The following CDC45 variants were observed in gnomAD, a reference collection of about 807,000 sequenced individuals.
CDC45 encodes cell division cycle 45, also known as cell division control protein 45 homolog.
A neutral mutation model predicts 77.8 loss-of-function variants in CDC45; 54 were observed. The ratio of observed to expected loss-of-function variants is 0.69; its 90% CI spans 0.56 to 0.87. CDC45 has a LOEUF of 0.87. Ranked by LOEUF, CDC45 falls within the 40% of genes least tolerant of loss-of-function variation. CDC45 has a pLI of 0.00. For missense variants in CDC45, 649 were observed against 721.6 expected, an observed-to-expected ratio of 0.90 and a Z score of 1.15; for synonymous variants, 260 against 272.1, an observed-to-expected ratio of 0.96 and a Z score of 0.44.
chr22:19,512,921 T>C (rs1933592598), intron 13 of CDC45, among the ~76,000 whole-genome samples: 1 of 152,190 alleles, frequency 6.6e-6, no homozygotes, highest in African/African-American at 2.4e-5. Flanking sequence ...CTCAGGCTGC[T>C]TCCACTCATG....
At chr22:19,486,610 A>T (rs1207533019) in intron 5 of CDC45, among the ~76,000 whole-genome samples, 1 of 152,244 alleles carries the variant, frequency 6.6e-6, no homozygotes, top group Admixed American at 6.5e-5. Flanking sequence ...AACATTAAGC[A>T]TTCTTGAGAA....
At position 19,480,208 on chromosome 22, in the gene CDC45, G is replaced by A. The variant is rs1034012211; in HGVS notation, c.102G>A (p.Lys34=). 1 of 1,613,892 alleles carries A rather than the reference G, an allele frequency of 6.2e-7. No homozygotes were observed. The highest frequency in any genetic ancestry group is 8.5e-7 in the Non-Finnish European group (1 of 1,179,924). Residue 34 remains lysine, a synonymous_variant, in exon 2 of 19, where the codon AAG becomes AAA. Coordinates refer to ENST00000263201, the MANE Select transcript of CDC45 (RefSeq NM_003504.5). ...ACGTGGATGCTCTGTGTGCGTGCAA[G>A]ATCCTTCAGGTGAGTTCTGCGGACC... ...ASDVDALCAC[K]ILQALFQCDH...
chr22:19,514,401 T>C (rs1422696673), intron 13 of CDC45, among the ~76,000 whole-genome samples: 1 of 152,086 alleles, frequency 6.6e-6, no homozygotes, highest in African/African-American at 2.4e-5. Flanking sequence ...AGAGTAAAAA[T>C]CTATCTGTTG....
chr22:19,480,954 C>A lies in CDC45; in HGVS notation c.113C>A (p.Ala38Asp), dbSNP rs915748043. Residue 38 changes from alanine to aspartate, a missense_variant and splice_region_variant, in exon 3 of 19, where the codon GCC becomes GAC. By Grantham distance (126) the Ala-to-Asp change is moderately radical. Transcript: ENST00000263201. ...GCTTTGAAAACACTCTCTCTCCAGG[C>A]CTTGTTCCAGTGTGACCACGTGCAA... ...DALCACKILQ[A>D]LFQCDHVQYT... 1.9e-6 allele frequency: 3 copies of A among 1,605,102 alleles called. No individual in the cohort carries two copies. The highest frequency in any genetic ancestry group is 1.7e-5 in the Admixed American group (1 of 59,512).
chr22:19,515,543 T>C (rs1933738581), intron 15 of CDC45, among the ~76,000 whole-genome samples: 1 of 152,170 alleles, frequency 6.6e-6, no homozygotes, highest in African/African-American at 2.4e-5. Context: ...TGTCAATAAT[T>C]GAAGTCCTCC....
At chr22:19,504,136 C>G (rs767782778) in intron 9 of CDC45, among the ~76,000 whole-genome samples, 93 of 152,276 alleles carry the variant, frequency 6.1e-4, no homozygotes, top group Non-Finnish European at 1.1e-3. Flanking sequence ...ATAGGACCAG[C>G]AGGTTTGTAT....
chr22:19,505,381 G>A lies in CDC45; in HGVS notation c.724G>A (p.Val242Ile), dbSNP rs765334346. Residue 242 changes from valine to isoleucine, a missense_variant, in exon 10 of 19, where the codon GTT becomes ATT. Coordinates refer to ENST00000263201, the MANE Select transcript of CDC45 (RefSeq NM_003504.5). ...KITQMKYVTD[V>I]GVLQRHVSRH... ...TTCCAGAATGAAATACGTGACTGAT[G>A]TTGGTGTCCTGCAGCGCCACGTTTC... 69 of 1,613,966 alleles carry A rather than the reference G, an allele frequency of 4.3e-5. No homozygotes were observed. Among genetic ancestry groups the A allele is most frequent in the Non-Finnish European group, 5.8e-5 (68 of 1,180,044 alleles).
intron 10 of CDC45, among the ~76,000 whole-genome samples, chr22:19,506,912 C>A (rs1362097964): frequency 2.7e-5 from 4 of 150,198 alleles, no homozygotes; most frequent in Admixed American, 1.3e-4. Context: ...CCAGCCTGGG[C>A]GACAGAGCGA....
At chr22:19,490,338 G>GT (rs922826437) in intron 5 of CDC45, among the ~76,000 whole-genome samples, 6 of 151,460 alleles carry the variant, frequency 4.0e-5, no homozygotes, top group South Asian at 2.1e-4. Context: ...CCTGGTCTCT[G>GT]TTTTTTTTAT....
chr22:19,498,455 AGT>A (rs2090283299), intron 8 of CDC45, among the ~76,000 whole-genome samples: 1 of 152,254 alleles, frequency 6.6e-6, no homozygotes, highest in Non-Finnish European at 1.5e-5. Context: ...GACCGAGCAC[AGT>A]GGGGCCCAGT....
chr22:19,507,295 GC>G, intron 10 of CDC45, 90 bp from the exon 11 acceptor site: 1 of 1,494,890 alleles, frequency 6.7e-7, no homozygotes, highest in Admixed American at 1.8e-5. Context: ...GTGAGAAAGG[GC>G]CCCGCCATCA....
Position 19,507,773 on chromosome 22 carries a change from C to G in CDC45, c.964C>G (p.Leu322Val), listed in dbSNP as rs774101130. 1 of 1,597,044 alleles carries G rather than the reference C, an allele frequency of 6.3e-7. No individual in the cohort carries two copies. The highest frequency in any genetic ancestry group is 1.4e-5 in the African/African-American group (1 of 73,912). ...TGGGCTTGCTCTTTCCAGTCTTCCC[C>G]TGAAGCAGGTGAAGCAGAAGTTCCA... ...QEFLADMGLP[L>V]KQVKQKFQAM... The change falls in exon 12 of 19, where the codon CTG becomes GTG. Residue 322 changes from leucine to valine, a missense_variant. By Grantham distance (32) the Leu-to-Val change is conservative. Transcript: ENST00000263201.
intron 6 of CDC45, 100 bp from the exon 7 acceptor site, chr22:19,495,881 T>C: frequency 1.2e-6 from 1 of 806,454 alleles, no homozygotes; most frequent in South Asian, 1.4e-5. Flanking sequence ...TGATTTAATT[T>C]GCATTTCATT....
chr22:19,505,060 G>C lies in CDC45; in HGVS notation c.705-302G>C, dbSNP rs111883646. 43 of 386,630 alleles carry C rather than the reference G, an allele frequency of 1.1e-4. 1 individual carries two copies. In the South Asian group the frequency reaches 1.3e-3, roughly 11 times the overall value. 23.9% of individuals were successfully genotyped at this position (386,630 alleles called of 1,614,324 possible). ...TCTGCTGTGGATCCCTGTCACTTACGGAGTCTGTCATCTTGGCTGTATGGG... is the reference window on the plus strand; with the variant it reads ...TCTGCTGTGGATCCCTGTCACTTACCGAGTCTGTCATCTTGGCTGTATGGG... On this transcript the variant is annotated intron_variant, in intron 9 of 18. Transcript: ENST00000263201.
chr22:19,518,769 C>A, intron 17 of CDC45, 75 bp from the exon 18 acceptor site: 3 of 1,182,708 alleles, frequency 2.5e-6, no homozygotes, highest in Non-Finnish European at 3.8e-6. Context: ...GGGCAGGCAG[C>A]GGAGGGGAGT....
intron 7 of CDC45, among the ~76,000 whole-genome samples, chr22:19,497,085 C>T (rs1277022421): frequency 6.6e-6 from 1 of 152,176 alleles, no homozygotes; most frequent in Non-Finnish European, 1.5e-5. Flanking sequence ...CAAAGAGGCC[C>T]CAGCCAGTGC....
In CDC45 at chr22:19,515,027, G is replaced by A; in HGVS notation, c.1419G>A (p.Leu473=). Residue 473 remains leucine, a synonymous_variant, in exon 15 of 19, where the codon CTG becomes CTA. Transcript: ENST00000263201. ...PASLSLLSKH[L]LKSFVCSTKN... ...CCCTAAGCCTGCTCAGCAAACACCT[G>A]CTCAAGTCCTTTGTGTGTTCGGTGA... is the stretch of plus-strand genomic sequence containing the variant. The A allele has an allele frequency of 6.2e-7, 1 of 1,611,144 alleles. No individual in the cohort carries two copies. The highest frequency in any genetic ancestry group is 8.5e-7 in the Non-Finnish European group (1 of 1,177,880).
At position 19,518,557 on chromosome 22, in the gene CDC45, G is replaced by A. The variant is rs549420505; in HGVS notation, c.1637-287G>A. On this transcript the variant is annotated intron_variant, in intron 17 of 18. Transcript: ENST00000263201. The stretch of plus-strand genomic sequence containing the variant: ...CATGCCAGCTGGGGTGGGCAGGCCC[G>A]TGTTTGTCCAGGTCTGTAGGGCCCT... 2.6e-5 allele frequency among the ~76,000 whole-genome samples: 4 copies of A among 152,322 alleles called. No homozygotes were observed. In the East Asian group the frequency reaches 5.8e-4, roughly 22 times the overall value.
intron 15 of CDC45, 91 bp from the exon 16 acceptor site, chr22:19,516,435 AG>A: frequency 9.9e-7 from 1 of 1,009,292 alleles, no homozygotes; most frequent in Admixed American, 1.8e-5. Flanking sequence ...GGCTTTGGGG[AG>A]TGGAGTGACT....
Sources: gnomAD v4.1 joint callset for allele counts (sites outside exome capture counted in the v4.1 genomes callset) on GRCh38, gnomAD v4.1.1 for gene constraint, MANE v1.5 for transcripts, NCBI Gene and HGNC (gene_info 2026-07-23, HGNC 2026-07-21) for gene names.